Variants in FMN1 observed in about 807,000 individuals in gnomAD.
FMN1 encodes the protein formin 1.
FMN1 carries 110 observed loss-of-function variants against 132.4 expected under a neutral mutation model. The ratio of observed to expected loss-of-function variants is 0.83; its 90% CI spans 0.71 to 0.97. The LOEUF (loss-of-function observed/expected upper bound fraction) is 0.97. FMN1 is among the 50% of genes least tolerant of loss of function. The pLI, the probability that FMN1 is intolerant of heterozygous loss-of-function variation, is 0.00. For synonymous variants in FMN1, 722 were observed against 651.7 expected (o/e 1.11, Z -1.64); for missense variants, 1,792 against 1,705.3 (o/e 1.05, Z -0.90).
intron 6 of FMN1, among the ~76,000 whole-genome samples, chr15:33,011,560 G>A (rs971637431): frequency 6.6e-6 from 1 of 151,842 alleles, no homozygotes; most frequent in Non-Finnish European, 1.5e-5. Context: ...ATATATAGAG[G>A]AAAAAACCTG....
chr15:32,812,016 AAACAAAC>A (rs1426428915), intron 17 of FMN1, among the ~76,000 whole-genome samples: 12 of 17,892 alleles, frequency 6.7e-4, no homozygotes. Context: ...TATGGACACT[AAACAAAC>A]AAACAAACAA....
intron 8 of FMN1, among the ~76,000 whole-genome samples, chr15:32,966,791 G>A (rs2031280814): frequency 1.3e-5 from 2 of 152,160 alleles, no homozygotes; most frequent in Non-Finnish European, 2.9e-5. Context: ...TCCTCTAGTT[G>A]CACAAAATAT....
chr15:33,020,638 CA>C (rs3081420), intron 6 of FMN1, among the ~76,000 whole-genome samples: 5,665 of 136,260 alleles, frequency 0.042, 256 homozygotes, highest in African/African-American at 0.13. Context: ...AACTCCGTCT[CA>C]AAAAAAAAAA....
At chr15:33,159,681 A>G (rs1392778723) in intron 3 of FMN1, among the ~76,000 whole-genome samples, 1 of 152,240 alleles carries the variant, frequency 6.6e-6, no homozygotes, top group Non-Finnish European at 1.5e-5. Context: ...AACCAACTGT[A>G]AAGCAGCTAA....
intron 16 of FMN1, among the ~76,000 whole-genome samples, chr15:32,871,280 T>C (rs1040567852): frequency 3.3e-5 from 5 of 152,224 alleles, no homozygotes; most frequent in African/African-American, 1.2e-4. Context: ...AAGACTTGCA[T>C]ACTTTCTCTT....
chr15:32,912,880 G>A, intron 10 of FMN1, among the ~76,000 whole-genome samples: 1 of 152,170 alleles, frequency 6.6e-6, no homozygotes, highest in South Asian at 2.1e-4. Flanking sequence ...AGTGAGGTAA[G>A]ATATATGCTT....
Position 33,135,956 on chromosome 15 carries a change from T to C in FMN1, c.1867+17092A>G, listed in dbSNP as rs139190939. ...GGAATTAGCTTTGCTTTTTTCTGTT[T>C]TGCCTACTGCTCTGTCTACTATACT... On this transcript the variant is annotated intron_variant, in intron 4 of 20. Coordinates refer to ENST00000616417, the MANE Select transcript of FMN1 (RefSeq NM_001277313.2). Among the ~76,000 whole-genome samples, 24 of 152,374 alleles carry C rather than the reference T, an allele frequency of 1.6e-4. No individual in the cohort carries two copies. The East Asian group carries it at 4.6e-3, about 29-fold the overall frequency.
At chr15:32,987,291 G>A (rs951926763) in intron 7 of FMN1, among the ~76,000 whole-genome samples, 1 of 152,156 alleles carries the variant, frequency 6.6e-6, no homozygotes, top group Non-Finnish European at 1.5e-5. Context: ...CTGTTTTGTG[G>A]AATGTATTTG....
intron 6 of FMN1, among the ~76,000 whole-genome samples, chr15:33,062,303 A>G (rs918966599): frequency 6.6e-6 from 1 of 152,192 alleles, no homozygotes; most frequent in Admixed American, 6.5e-5. Context: ...AATTTTTATA[A>G]TTAGTAAAAC....
chr15:33,126,930 G>A (rs1200205216), intron 4 of FMN1, among the ~76,000 whole-genome samples: 2 of 152,202 alleles, frequency 1.3e-5, no homozygotes, highest in Non-Finnish European at 1.5e-5. Context: ...TTGATTAAAC[G>A]TAAGGTGACT....
chr15:32,795,069 G>A (rs772237509), intron 19 of FMN1, among the ~76,000 whole-genome samples: 3 of 152,044 alleles, frequency 2.0e-5, no homozygotes, highest in African/African-American at 7.2e-5. Context: ...GTATGGTGAT[G>A]CACACCTGTA....
At chr15:33,084,623 A>C (rs1426917610) in intron 5 of FMN1, among the ~76,000 whole-genome samples, 4 of 151,924 alleles carry the variant, frequency 2.6e-5, no homozygotes, top group Non-Finnish European at 5.9e-5. Context: ...GTGAAGGTAA[A>C]GGAGGTTTTG....
intron 3 of FMN1, among the ~76,000 whole-genome samples, chr15:33,171,811 C>T (rs764221851): frequency 2.0e-5 from 3 of 152,082 alleles, no homozygotes; most frequent in Non-Finnish European, 4.4e-5. Context: ...TTCACAAATG[C>T]AATTAGAAAT....
At chr15:33,181,872 C>T (rs890218192) in intron 2 of FMN1, among the ~76,000 whole-genome samples, 18 of 152,028 alleles carry the variant, frequency 1.2e-4, no homozygotes, top group African/African-American at 4.1e-4. Context: ...CCATGCCTGG[C>T]TAATTTTTTG....
intron 4 of FMN1, among the ~76,000 whole-genome samples, chr15:33,105,303 AG>A (rs974098014): frequency 1.8e-4 from 28 of 152,224 alleles, no homozygotes; most frequent in African/African-American, 6.7e-4. Context: ...CCTCCTGTCA[AG>A]AAAAAAATAA....
At chr15:33,060,928 G>A (rs1021979565) in intron 6 of FMN1, among the ~76,000 whole-genome samples, 4 of 152,120 alleles carry the variant, frequency 2.6e-5, no homozygotes, top group Non-Finnish European at 5.9e-5. Context: ...TCATGACAAT[G>A]TATTTTTTAA....
At chr15:33,019,868 C>T (rs2035323258) in intron 6 of FMN1, among the ~76,000 whole-genome samples, 1 of 152,206 alleles carries the variant, frequency 6.6e-6, no homozygotes, top group Non-Finnish European at 1.5e-5. Flanking sequence ...CTCCACACCT[C>T]CCCGCAAGCG....
chr15:32,785,434 C>T (rs1268130063), intron 19 of FMN1, among the ~76,000 whole-genome samples: 1 of 151,368 alleles, frequency 6.6e-6, no homozygotes, highest in African/African-American at 2.4e-5. Flanking sequence ...GGTCTCAAAT[C>T]ATGGTTCAGG....
chr15:32,974,941 C>T (rs890215498), intron 7 of FMN1, among the ~76,000 whole-genome samples: 5 of 152,202 alleles, frequency 3.3e-5, no homozygotes, highest in Non-Finnish European at 4.4e-5. Context: ...TAAATTCTTT[C>T]CATGATACTC....
Sources: allele counts gnomAD v4.1 joint callset (sites outside exome capture counted in the v4.1 genomes callset), GRCh38; gene constraint gnomAD v4.1.1; transcripts MANE v1.5; gene names NCBI Gene and HGNC (gene_info 2026-07-23, HGNC 2026-07-21).